TRIM24: variants seen among roughly 807,000 people sequenced by gnomAD.
TRIM24 encodes the protein transcription intermediary factor 1-alpha.
Under a neutral mutation model 123.9 loss-of-function variants are expected in TRIM24, and 29 were observed. That is an observed-to-expected ratio of 0.23 (90% confidence interval 0.17 to 0.32). TRIM24 has a LOEUF of 0.32. TRIM24 is among the 10% of genes least tolerant of loss of function. The pLI is 1.00. For missense variants in TRIM24, 932 were observed against 1,295.3 expected, an observed-to-expected ratio of 0.72 and a Z score of 4.31; for synonymous variants, 456 against 461.1, an observed-to-expected ratio of 0.99 and a Z score of 0.14.
At chr7:138,493,647 G>A (rs1795843060) in intron 1 of TRIM24, among the ~76,000 whole-genome samples, 1 of 152,162 alleles carries the variant, frequency 6.6e-6, no homozygotes. Flanking sequence ...AACCATCTCT[G>A]CTGATCCTCA....
chr7:138,471,263 G>A lies in TRIM24; in HGVS notation c.364+10351G>A, dbSNP rs186174419. On this transcript the variant is annotated intron_variant, in intron 1 of 18. Transcript: ENST00000343526. ...TGATTTTATTCCTTATATGTTTTACGCTAATATGATTTATTATGTATAGGA... is the reference window on the plus strand; with the variant it reads ...TGATTTTATTCCTTATATGTTTTACACTAATATGATTTATTATGTATAGGA... Among the ~76,000 whole-genome samples, 21 of 152,110 alleles carry A rather than the reference G, an allele frequency of 1.4e-4. No homozygotes were observed. In the East Asian group the frequency reaches 3.5e-3, roughly 25 times the overall value.
chr7:138,559,316 T>G (rs565970782), intron 9 of TRIM24, among the ~76,000 whole-genome samples: 1 of 152,232 alleles, frequency 6.6e-6, no homozygotes, highest in African/African-American at 2.4e-5. Context: ...ATGAGTCCAT[T>G]TTCTGACACT....
chr7:138,526,186 A>T (rs1466011203), intron 5 of TRIM24, among the ~76,000 whole-genome samples: 2 of 152,234 alleles, frequency 1.3e-5, no homozygotes, highest in South Asian at 2.1e-4. Flanking sequence ...AAATTGTGTC[A>T]GACTTTAAGG....
At chr7:138,552,366 G>A (rs1797228769) in intron 8 of TRIM24, among the ~76,000 whole-genome samples, 1 of 152,142 alleles carries the variant, frequency 6.6e-6, no homozygotes, top group African/African-American at 2.4e-5. Flanking sequence ...ACATTAGGAA[G>A]AAAAGTATCC....
In TRIM24 at chr7:138,573,514, G is replaced by C. The variant is rs1429595405; in HGVS notation, c.1886G>C (p.Cys629Ser). 3 of 1,589,552 alleles carry C rather than the reference G, an allele frequency of 1.9e-6. No individual in the cohort carries two copies. Among genetic ancestry groups the C allele is most frequent in the Non-Finnish European group, 1.7e-6 (2 of 1,170,506 alleles). Residue 629 changes from cysteine (C) to serine (S), a missense_variant, in exon 12 of 19, where the codon TGT becomes TCT. Cys to Ser is a moderately radical substitution (Grantham distance 112). Transcript: ENST00000343526. The stretch of plus-strand genomic sequence containing the variant: ...AATTTCTTTTCTTGTAAGATTGACT[G>C]TTCAAGTACTATTATGCTGGACAAT... ...YNLPSLPDIDCSSTIMLDNIV... is the reference protein window; with the variant it reads ...YNLPSLPDIDSSSTIMLDNIV...
At chr7:138,501,392 G>A (rs1584703217) in intron 1 of TRIM24, among the ~76,000 whole-genome samples, 1 of 151,646 alleles carries the variant, frequency 6.6e-6, no homozygotes, top group African/African-American at 2.4e-5. Context: ...CACTGCACCC[G>A]GCCAATTTGT....
intron 1 of TRIM24, among the ~76,000 whole-genome samples, chr7:138,481,779 C>T (rs1795531583): frequency 1.3e-5 from 2 of 151,954 alleles, no homozygotes; most frequent in South Asian, 4.1e-4. Context: ...TACCACAGCA[C>T]TCCAGCCTGA....
In TRIM24 at chr7:138,529,171, A is replaced by G. The variant is rs1796674771; in HGVS notation, c.937A>G (p.Ile313Val). ...KQVEQDIKVA[I>V]FTLMVEINKK... ...GGTGGAACAGGATATTAAAGTTGCT[A>G]TATTTACACTGATGGTAGAAATAAA... Residue 313 changes from isoleucine to valine, a missense_variant, in exon 6 of 19, where the codon ATA (isoleucine) becomes GTA (valine). Ile to Val is a conservative substitution (Grantham distance 29, BLOSUM62 3). Coordinates refer to ENST00000343526, the MANE Select transcript of TRIM24 (RefSeq NM_015905.3). The G allele has an allele frequency of 1.9e-6, 3 of 1,581,116 alleles. No individual in the cohort carries two copies. Among genetic ancestry groups the G allele is most frequent in the African/African-American group, 1.4e-5 (1 of 72,688 alleles).
intron 1 of TRIM24, among the ~76,000 whole-genome samples, chr7:138,463,052 T>TG (rs1795045895): frequency 6.0e-5 from 8 of 132,298 alleles, no homozygotes; most frequent in African/African-American, 1.9e-4. Flanking sequence ...TGTTTTTTTT[T>TG]TTTTTTTTTT....
rs57719141 is a variant in TRIM24 at position 138,463,043 on chromosome 7, G to GTTTTTTTTTTTT, written c.364+2146_364+2157dup. On this transcript the variant is annotated intron_variant, in intron 1 of 18. Transcript: ENST00000343526. The stretch of plus-strand genomic sequence containing the variant: ...CGCCACCACGTCCGGCTAATTTTGT[G>GTTTTTTTTTTTT]TTTTTTTTTTTTTTTTTTTTTTTTT... Among the ~76,000 whole-genome samples the GTTTTTTTTTTTT allele has an allele frequency of 4.5e-4, 27 of 60,138 alleles. 3 individuals are homozygous for GTTTTTTTTTTTT. The highest frequency in any genetic ancestry group is 1.4e-3 in the South Asian group (2 of 1,414). The allele number at this position is 60,138 out of a possible 152,430, so 39.5% of individuals were successfully genotyped here.
At chr7:138,500,798 A>G (rs7783440) in intron 1 of TRIM24, among the ~76,000 whole-genome samples, 3,479 of 152,086 alleles carry the variant, frequency 0.023, 135 homozygotes, top group African/African-American at 0.079. Context: ...ACACAAACCT[A>G]TGTGGTTTAG....
intron 1 of TRIM24, 117 bp downstream of exon 1, chr7:138,461,029 G>A (rs1273906056): frequency 1.0e-6 from 1 of 999,454 alleles, no homozygotes; most frequent in African/African-American, 1.7e-5. Context: ...CGGCGGGGGA[G>A]GGGCGAGCAG....
At chr7:138,496,170 CT>C (rs962453627) in intron 1 of TRIM24, among the ~76,000 whole-genome samples, 1 of 152,184 alleles carries the variant, frequency 6.6e-6, no homozygotes, top group African/African-American at 2.4e-5. Flanking sequence ...TGCATTGAAT[CT>C]TTAGATCAGT....
chr7:138,531,454 G>A (rs1177916055), intron 6 of TRIM24, among the ~76,000 whole-genome samples: 2 of 144,290 alleles, frequency 1.4e-5, no homozygotes, highest in Admixed American at 1.5e-4. Flanking sequence ...ACCTATGAAT[G>A]AGAACATGCG....
intron 5 of TRIM24, among the ~76,000 whole-genome samples, chr7:138,527,234 CAT>C (rs1242054476): frequency 5.9e-5 from 9 of 152,078 alleles, no homozygotes; most frequent in Non-Finnish European, 1.2e-4. Flanking sequence ...TAAGTCTTAA[CAT>C]AGTGTTTTTC....
chr7:138,463,593 A>G (rs1795061536), intron 1 of TRIM24, among the ~76,000 whole-genome samples: 1 of 152,194 alleles, frequency 6.6e-6, no homozygotes, highest in Non-Finnish European at 1.5e-5. Context: ...TGAATTGTGC[A>G]TGATTATAGA....
chr7:138,516,596 C>CAT (rs1796400591), intron 3 of TRIM24, among the ~76,000 whole-genome samples: 7 of 152,090 alleles, frequency 4.6e-5, no homozygotes, highest in African/African-American at 1.7e-4. Flanking sequence ...CTCAAGTAAT[C>CAT]CGCCAGCCTT....
chr7:138,470,123 A>ATTTT (rs10542175), intron 1 of TRIM24, among the ~76,000 whole-genome samples: 5 of 81,400 alleles, frequency 6.1e-5, no homozygotes, highest in East Asian at 3.8e-4. Flanking sequence ...TACAAGTATA[A>ATTTT]TTTTTTTTTT....
chr7:138,532,929 A>G (rs984601835), intron 6 of TRIM24, among the ~76,000 whole-genome samples: 9 of 152,154 alleles, frequency 5.9e-5, no homozygotes, highest in Admixed American at 3.9e-4. Context: ...GGTCCTTCAC[A>G]TCCCTTGTAA....
Sources: gnomAD v4.1 joint callset for allele counts (sites outside exome capture counted in the v4.1 genomes callset) on GRCh38, gnomAD v4.1.1 for gene constraint, MANE v1.5 for transcripts, NCBI Gene and HGNC (gene_info 2026-07-23, HGNC 2026-07-21) for gene names.